The following MLLT1 variants were observed in gnomAD, a reference collection of about 807,000 sequenced individuals.
MLLT1 encodes protein ENL.
Under a neutral mutation model 55.1 loss-of-function variants are expected in MLLT1, and 11 were observed. That is an observed-to-expected ratio of 0.20 (90% confidence interval 0.13 to 0.33). The LOEUF (loss-of-function observed/expected upper bound fraction) is 0.33. Ranked by LOEUF, MLLT1 falls within the 10% of genes least tolerant of loss-of-function variation. MLLT1 has a pLI of 1.00. For synonymous variants in MLLT1, 323 were observed against 320.1 expected, an observed-to-expected ratio of 1.01 and a Z score of -0.10; for missense variants, 536 against 760.6, an observed-to-expected ratio of 0.70 and a Z score of 3.47.
chr19:6,269,335 G>T (rs780953295), intron 2 of MLLT1, among the ~76,000 whole-genome samples: 50 of 152,236 alleles, frequency 3.3e-4, no homozygotes, highest in Non-Finnish European at 6.8e-4. Flanking sequence ...CGCACGAAGC[G>T]CTGGCCAGGA....
rs2090954639 is a variant in MLLT1, at chr19:6,226,124, T to C, written c.546+853A>G. 6.6e-6 allele frequency among the ~76,000 whole-genome samples: 1 copy of C among 152,222 alleles called. No individual in the cohort carries two copies. The highest frequency in any genetic ancestry group is 2.1e-4 in the South Asian group (1 of 4,832). Reference sequence around the variant, plus strand: ...TGTGAGGCAGCTGGAGAGCCCTGCCTGTCCTGCCTGGGATGGCTGGGCCCA... The same window carrying C: ...TGTGAGGCAGCTGGAGAGCCCTGCCCGTCCTGCCTGGGATGGCTGGGCCCA... On this transcript the variant is annotated intron_variant, in intron 5 of 11. Coordinates refer to ENST00000252674, the MANE Select transcript of MLLT1 (RefSeq NM_005934.4). This position sits in a 1 kb window ranked among gnomAD's most constrained non-coding sequence, Gnocchi z 6.3.
Position 6,273,815 on chromosome 19 carries a change from G to A in MLLT1, c.13-3056C>T, listed in dbSNP as rs946268036. Among the ~76,000 whole-genome samples the A allele has an allele frequency of 6.6e-5, 10 of 152,176 alleles. No individual in the cohort carries two copies. The highest frequency in any genetic ancestry group is 1.4e-4 in the African/African-American group (6 of 41,430). Reference sequence around the variant, plus strand: ...CTCGGAATCGCTTATTCACTGACCCGGCCACTCAGACCTCGGCCGACTTCC... The same window carrying A: ...CTCGGAATCGCTTATTCACTGACCCAGCCACTCAGACCTCGGCCGACTTCC... On this transcript the variant is annotated intron_variant, in intron 1 of 11. Coordinates refer to ENST00000252674, the MANE Select transcript of MLLT1 (RefSeq NM_005934.4). This position sits in a 1 kb window ranked among gnomAD's most constrained non-coding sequence, Gnocchi z 4.3.
chr19:6,252,649 A>G (rs2091226679), intron 3 of MLLT1, among the ~76,000 whole-genome samples: 3 of 152,334 alleles, frequency 2.0e-5, no homozygotes, highest in South Asian at 4.1e-4. Flanking sequence ...CATCAAATCA[A>G]TGACTCCTTC....
chr19:6,236,122 A>G (rs560107795), intron 3 of MLLT1, among the ~76,000 whole-genome samples: 9 of 152,310 alleles, frequency 5.9e-5, no homozygotes, highest in African/African-American at 2.2e-4. Flanking sequence ...GGCGCCTACC[A>G]TAAGATCCCA....
chr19:6,228,103 A>ACAGGTCAACAT (rs2090971757), intron 4 of MLLT1, among the ~76,000 whole-genome samples: 1 of 152,046 alleles, frequency 6.6e-6, no homozygotes, highest in African/African-American at 2.4e-5. Context: ...TGCTTCTCAG[A>ACAGGTCAACAT]GCCTGTCTGA....
At chr19:6,272,798 G>T (rs1002812391) in intron 1 of MLLT1, among the ~76,000 whole-genome samples, 11 of 152,332 alleles carry the variant, frequency 7.2e-5, no homozygotes, top group Non-Finnish European at 1.2e-4. Flanking sequence ...ATAAGGACAG[G>T]CCAGTTCCAG....
At chr19:6,224,352 G>A (rs1291175610) in intron 5 of MLLT1, among the ~76,000 whole-genome samples, 4 of 152,252 alleles carry the variant, frequency 2.6e-5, no homozygotes, top group Admixed American at 2.6e-4. Flanking sequence ...GCCATGCAGG[G>A]CTATCAGGGG....
intron 3 of MLLT1, among the ~76,000 whole-genome samples, chr19:6,253,469 A>C (rs2091235721): frequency 6.6e-6 from 1 of 152,014 alleles, no homozygotes; most frequent in Non-Finnish European, 1.5e-5. Context: ...ATACCTCCTA[A>C]CTCACTTTAT....
intron 3 of MLLT1, among the ~76,000 whole-genome samples, chr19:6,248,624 C>T (rs991732219): frequency 6.6e-6 from 1 of 152,200 alleles, no homozygotes; most frequent in Admixed American, 6.5e-5. Flanking sequence ...TAATACCCCA[C>T]TAGCACATTT....
intron 3 of MLLT1, chr19:6,259,656 A>G (rs1477649576): frequency 6.6e-6 from 1 of 152,226 alleles, no homozygotes; most frequent in Non-Finnish European, 1.5e-5. Context: ...AATCGGGCAC[A>G]TGGTACACTG....
At chr19:6,217,749 G>T (rs1218591793) in intron 7 of MLLT1, among the ~76,000 whole-genome samples, 1 of 152,228 alleles carries the variant, frequency 6.6e-6, no homozygotes, top group East Asian at 1.9e-4. Flanking sequence ...ACAAGGAACA[G>T]TGCCCCCGGG....
rs2091389769 is a variant in MLLT1 at position 6,270,854 on chromosome 19, A to G, written c.13-95T>C. On this transcript the variant is annotated intron_variant, in intron 1 of 11. Coordinates refer to ENST00000252674, the MANE Select transcript of MLLT1 (RefSeq NM_005934.4). This position sits in a 1 kb window ranked among gnomAD's most constrained non-coding sequence, Gnocchi z 7.1. The stretch of plus-strand genomic sequence containing the variant: ...CAGAGAACTTTCGATAAAGACCCCC[A>G]GCAGTGCAATACGCTCTCAACCCAG... The G allele has an allele frequency of 1.6e-6, 2 of 1,223,880 alleles. No individual in the cohort carries two copies. Among genetic ancestry groups the G allele is most frequent in the Admixed American group, 2.4e-5 (1 of 40,938 alleles). The allele number at this position is 1,223,880 out of a possible 1,614,324, so 75.8% of individuals were successfully genotyped here. A position where few individuals can be genotyped will look rare whatever the true frequency, so the allele number is the denominator to read the frequency against.
intron 5 of MLLT1, among the ~76,000 whole-genome samples, chr19:6,225,043 A>G (rs2144865758): frequency 6.6e-6 from 1 of 152,338 alleles, no homozygotes; most frequent in South Asian, 2.1e-4. Flanking sequence ...TCACGTTTGC[A>G]AGGTTGTCTG....
intron 5 of MLLT1, among the ~76,000 whole-genome samples, chr19:6,223,400 C>CG (rs1413948135): frequency 2.6e-5 from 4 of 152,310 alleles, no homozygotes; most frequent in Admixed American, 1.3e-4. Context: ...TCGGAAACCC[C>CG]GGGGGTTTAG....
rs541527561 is a variant in MLLT1 at position 6,210,623 on chromosome 19, C to T, written c.*2419G>A. The stretch of plus-strand genomic sequence containing the variant: ...AAGGTATTCGATACCATTTGCTTTC[C>T]GGCGTCGGTTTACATTTTTGTTCAG... On this transcript the variant is annotated 3_prime_UTR_variant, in exon 12 of 12. Transcript: ENST00000252674. This position sits in a 1 kb window ranked among gnomAD's most constrained non-coding sequence, Gnocchi z 4.6. 1.9e-3 allele frequency: 426 copies of T among 226,612 alleles called. 2 individuals carry two copies. The highest frequency in any genetic ancestry group is 6.9e-3 in the African/African-American group (311 of 44,992). The allele number at this position is 226,612 out of a possible 1,614,324, so 14.0% of individuals were successfully genotyped here.
intron 1 of MLLT1, among the ~76,000 whole-genome samples, chr19:6,271,118 G>A (rs551673737): frequency 6.6e-6 from 1 of 151,996 alleles, no homozygotes; most frequent in East Asian, 1.9e-4. Context: ...GGCGCCTCTT[G>A]TCACTGGGCT....
rs1031479108 is a variant in MLLT1 at position 6,256,853 on chromosome 19, G to A, written c.276+5375C>T. On this transcript the variant is annotated intron_variant, in intron 3 of 11. Transcript: ENST00000252674. This position sits in a 1 kb window ranked among gnomAD's most constrained non-coding sequence, Gnocchi z 4.1. ...CACAGACACGTAGACCAATGAAATA[G>A]AATTCAGAGTCCAGTTTTAAACCCC... Among the ~76,000 whole-genome samples, 1 of 152,220 alleles carries A rather than the reference G, an allele frequency of 6.6e-6. No individual in the cohort carries two copies. The highest frequency in any genetic ancestry group is 1.5e-5 in the Non-Finnish European group (1 of 68,032).
rs2091294713 is a variant in MLLT1, at chr19:6,260,458, T to G, written c.276+1770A>C. ...GGTTTCTGCCACACTTGGGAGCGGC[T>G]GGCCTGCATCTCGCCTGAAGTTGCC... On this transcript the variant is annotated intron_variant, in intron 3 of 11. Coordinates refer to ENST00000252674, the MANE Select transcript of MLLT1 (RefSeq NM_005934.4). Among the ~76,000 whole-genome samples the G allele has an allele frequency of 2.0e-5, 3 of 152,212 alleles. No individual in the cohort carries two copies. The South Asian group carries it at 6.2e-4, about 32-fold the overall frequency.
rs2090786334 is a variant in MLLT1 at position 6,212,478 on chromosome 19, G to A, written c.*564C>T. On this transcript the variant is annotated 3_prime_UTR_variant, in exon 12 of 12. Transcript: ENST00000252674. Reference sequence around the variant, plus strand: ...TGGACACTGCTCTTGACCAGACAGTGCACACACATATATAATAGAGAGAAC... The same window carrying A: ...TGGACACTGCTCTTGACCAGACAGTACACACACATATATAATAGAGAGAAC... The A allele has an allele frequency of 9.4e-7, 1 of 1,066,798 alleles. No homozygotes were observed. The highest frequency in any genetic ancestry group is 1.1e-6 in the Non-Finnish European group (1 of 880,396). The allele number at this position is 1,066,798 out of a possible 1,614,324, so 66.1% of individuals were successfully genotyped here. A position where few individuals can be genotyped will look rare whatever the true frequency, so the allele number is the denominator to read the frequency against.
Sources: gnomAD v4.1 joint callset for allele counts (sites outside exome capture counted in the v4.1 genomes callset) on GRCh38, gnomAD v4.1.1 for gene constraint, Gnocchi (gnomAD v3.1) non-coding constraint, MANE v1.5 for transcripts, NCBI Gene and HGNC (gene_info 2026-07-23, HGNC 2026-07-21) for gene names.